The following DIPK1C variants were observed in gnomAD, a reference collection of about 807,000 sequenced individuals.
DIPK1C encodes the protein familial non-conventional Alzheimer's dementia.
Under a neutral mutation model 28.0 loss-of-function variants are expected in DIPK1C, and 33 were observed. The observed-to-expected ratio is 1.18, with a 90% CI of 0.89 to 1.58. The LOEUF (loss-of-function observed/expected upper bound fraction) is 1.58. DIPK1C is among the 40% of genes most tolerant of loss of function. DIPK1C has a pLI of 0.00. For missense variants in DIPK1C, 569 were observed against 568.5 expected (o/e 1.00, Z -0.01); for synonymous variants, 255 against 248.8 (o/e 1.02, Z -0.23).
intron 1 of DIPK1C, among the ~76,000 whole-genome samples, chr18:74,449,237 G>C (rs1450170703): frequency 6.6e-6 from 1 of 152,174 alleles, no homozygotes; most frequent in Non-Finnish European, 1.5e-5. Context: ...TGTTTGACTT[G>C]ATGTGAATTC....
chr18:74,444,858 C>G (rs1335246968), intron 2 of DIPK1C, among the ~76,000 whole-genome samples: 4 of 152,136 alleles, frequency 2.6e-5, no homozygotes, highest in Non-Finnish European at 5.9e-5. Flanking sequence ...GTCACGATTT[C>G]ATTGAACAAA....
chr18:74,459,441 G>A (rs11662970), upstream of DIPK1C, among the ~76,000 whole-genome samples: 61,469 of 152,074 alleles, frequency 0.4, 12,913 homozygotes, highest in Non-Finnish European at 0.47. Flanking sequence ...GTTTTAACAC[G>A]GAAGTGATGG....
At chr18:74,457,544 T>TC (rs879657446), upstream of DIPK1C, among the ~76,000 whole-genome samples, 1 of 152,096 alleles carries the variant, frequency 6.6e-6, no homozygotes, top group Non-Finnish European at 1.5e-5. Flanking sequence ...GAAGACCAGC[T>TC]CCCCACTTAA....
intron 1 of DIPK1C, among the ~76,000 whole-genome samples, chr18:74,448,274 G>A (rs765692388): frequency 6.6e-6 from 1 of 151,722 alleles, no homozygotes; most frequent in Non-Finnish European, 1.5e-5. Flanking sequence ...CCATTTCCCC[G>A]ACAAATGAAT....
chr18:74,459,652 G>A (rs1156434927), upstream of DIPK1C, among the ~76,000 whole-genome samples: 2 of 152,182 alleles, frequency 1.3e-5, no homozygotes, highest in Admixed American at 1.3e-4. Flanking sequence ...AACACAGTTT[G>A]TAATAGCAAC....
In DIPK1C at chr18:74,435,172, C is replaced by T. The variant is rs1370529590; in HGVS notation, c.*1329G>A. 2.0e-5 allele frequency: 3 copies of T among 152,226 alleles called. No individual in the cohort carries two copies. The highest frequency in any genetic ancestry group is 2.0e-4 in the Admixed American group (3 of 15,280). 9.4% of individuals were successfully genotyped at this position (152,226 alleles called of 1,614,324 possible). A position where few individuals can be genotyped will look rare whatever the true frequency, so the allele number is the denominator to read the frequency against. ...TTGGAATGTGTCAGTTTGTGACTTT[C>T]ACAACGTCCGATTAATTTGTCTTCT... On this transcript the variant is annotated 3_prime_UTR_variant, in exon 4 of 4. Transcript: ENST00000343998.
chr18:74,439,151 A>G (rs557374195), intron 3 of DIPK1C, among the ~76,000 whole-genome samples: 1 of 151,802 alleles, frequency 6.6e-6, no homozygotes, highest in African/African-American at 2.4e-5. Context: ...AAATTTGTCA[A>G]CTGTTTCTCT....
At chr18:74,460,938 T>C (rs961287204), upstream of DIPK1C, among the ~76,000 whole-genome samples, 16 of 152,230 alleles carry the variant, frequency 1.1e-4, no homozygotes. Context: ...AGGGAGATGC[T>C]GCGTGTCCGT....
In DIPK1C at chr18:74,446,870, G is replaced by A; in HGVS notation, c.612C>T (p.Asp204=). ...EEYVYFSLLQ[D]LSPHVLPVLG... The stretch of plus-strand genomic sequence containing the variant: ...GCACGGGCAGCACGTGTGGGCTCAG[G>A]TCCTGCAGCAGGCTGAAGTAGACGT... Residue 204 remains aspartate, a synonymous_variant, in exon 2 of 4, where the codon GAC becomes GAT. Coordinates refer to ENST00000343998, the MANE Select transcript of DIPK1C (RefSeq NM_001044369.3). The A allele has an allele frequency of 6.6e-7, 1 of 1,519,656 alleles. No homozygotes were observed. The highest frequency in any genetic ancestry group is 8.9e-7 in the Non-Finnish European group (1 of 1,129,154). The allele number at this position is 1,519,656 out of a possible 1,614,324, so 94.1% of individuals were successfully genotyped here. A position where few individuals can be genotyped will look rare whatever the true frequency, so the allele number is the denominator to read the frequency against.
chr18:74,446,516 G>T, intron 2 of DIPK1C, 90 bp downstream of exon 2: 1 of 1,275,236 alleles, frequency 7.8e-7, no homozygotes, highest in Non-Finnish European at 1.0e-6. Flanking sequence ...GCTAACTCAG[G>T]CCAGGAGCTC....
intron 1 of DIPK1C, among the ~76,000 whole-genome samples, chr18:74,452,203 G>A (rs368127038): frequency 7.7e-4 from 118 of 152,276 alleles, no homozygotes; most frequent in Non-Finnish European, 1.1e-3. Context: ...GTCAGGGACC[G>A]TCTGTATACA....
chr18:74,437,793 A>G (rs1223266386), intron 3 of DIPK1C, among the ~76,000 whole-genome samples: 5 of 152,230 alleles, frequency 3.3e-5, no homozygotes, highest in Non-Finnish European at 7.3e-5. Context: ...TCTTTGACAT[A>G]CACACTTCCT....
chr18:74,445,226 C>G (rs1259581738), intron 2 of DIPK1C, among the ~76,000 whole-genome samples: 1 of 152,174 alleles, frequency 6.6e-6, no homozygotes, highest in Non-Finnish European at 1.5e-5. Flanking sequence ...TCGTTTCCCC[C>G]CAACACACAT....
intron 1 of DIPK1C, among the ~76,000 whole-genome samples, chr18:74,453,521 A>G (rs1457584625): frequency 6.6e-6 from 1 of 152,242 alleles, no homozygotes; most frequent in Non-Finnish European, 1.5e-5. Context: ...TCACAGCAGC[A>G]AAGAAAGATA....
the DIPK1C span, among the ~76,000 whole-genome samples, chr18:74,464,210 TC>T: frequency 6.6e-6 from 1 of 152,184 alleles, no homozygotes; most frequent in African/African-American, 2.4e-5. Flanking sequence ...TCATAGCCTT[TC>T]TACTCTCAGA....
At chr18:74,451,979 T>A (rs536688213) in intron 1 of DIPK1C, among the ~76,000 whole-genome samples, 2 of 152,300 alleles carry the variant, frequency 1.3e-5, no homozygotes, top group South Asian at 4.2e-4. Flanking sequence ...TTAAACATGC[T>A]CAGAACACTT....
rs1308753774 is a variant in DIPK1C, at chr18:74,457,270, G to A, written c.-11C>T. Reference sequence around the variant, plus strand: ...CGCCGCCCGCGCCATGGCCAGCCCTGCCCGCGCCCGGGCCCCACCGCCGCC... The same window carrying A: ...CGCCGCCCGCGCCATGGCCAGCCCTACCCGCGCCCGGGCCCCACCGCCGCC... On this transcript the variant is annotated 5_prime_UTR_variant, in exon 1 of 4. Transcript: ENST00000343998. 1.5e-5 allele frequency: 15 copies of A among 988,016 alleles called. No homozygotes were observed. Among genetic ancestry groups the A allele is most frequent in the Middle Eastern group, 5.1e-4 (1 of 1,952 alleles). 61.2% of individuals were successfully genotyped at this position (988,016 alleles called of 1,614,324 possible). A position where few individuals can be genotyped will look rare whatever the true frequency, so the allele number is the denominator to read the frequency against.
chr18:74,456,018 C>T (rs1986504068), intron 1 of DIPK1C, among the ~76,000 whole-genome samples: 1 of 152,110 alleles, frequency 6.6e-6, no homozygotes, highest in Admixed American at 6.5e-5. Flanking sequence ...AAAGGCCCAC[C>T]CATATGTAAG....
At chr18:74,444,901 G>A (rs1328695579) in intron 2 of DIPK1C, among the ~76,000 whole-genome samples, 2 of 152,092 alleles carry the variant, frequency 1.3e-5, no homozygotes, top group African/African-American at 4.8e-5. Context: ...AGATACTGGA[G>A]GCACAACTTA....
Sources: gnomAD v4.1 joint callset for allele counts (sites outside exome capture counted in the v4.1 genomes callset) on GRCh38, gnomAD v4.1.1 for gene constraint, MANE v1.5 for transcripts, NCBI Gene and HGNC (gene_info 2026-07-23, HGNC 2026-07-21) for gene names.